Variants in PTPRG observed in about 807,000 individuals in gnomAD.
The protein encoded by PTPRG is receptor-type tyrosine-protein phosphatase gamma.
Under a neutral mutation model 165.3 loss-of-function variants are expected in PTPRG, and 102 were observed. The ratio of observed to expected loss-of-function variants is 0.62; its 90% CI spans 0.53 to 0.73. The LOEUF (loss-of-function observed/expected upper bound fraction) is 0.73. Ranked by LOEUF, PTPRG falls within the 30% of genes least tolerant of loss-of-function variation. The probability of loss-of-function intolerance (pLI) is 0.00; values close to 1 mark genes in which losing one functional copy is unlikely to be tolerated. For synonymous variants in PTPRG, 675 were observed against 669.5 expected (o/e 1.01, Z -0.13); for missense variants, 1,866 against 1,861.4 (o/e 1.00, Z -0.05).
At position 62,080,062 on chromosome 3, in the gene PTPRG, A is replaced by ATT. The variant is rs759641101; in HGVS notation, c.615+1823_615+1824dup. On this transcript the variant is annotated intron_variant, in intron 5 of 29. Transcript: ENST00000474889. The stretch of plus-strand genomic sequence containing the variant: ...AGTTCTGTCTGGACCCCTTCGGTTC[A>ATT]TTTTTTTTTTTTTTTTTTTTGAGAT... Among the ~76,000 whole-genome samples, 36 of 128,828 alleles carry ATT rather than the reference A, an allele frequency of 2.8e-4. No individual in the cohort carries two copies. The South Asian group carries it at 3.0e-3, about 11-fold the overall frequency. 84.5% of individuals were successfully genotyped at this position (128,828 alleles called of 152,430 possible). A position where few individuals can be genotyped will look rare whatever the true frequency, so the allele number is the denominator to read the frequency against.
intron 2 of PTPRG, among the ~76,000 whole-genome samples, chr3:61,819,373 T>C (rs1314652829): frequency 1.3e-5 from 2 of 152,186 alleles, no homozygotes; most frequent in East Asian, 3.9e-4. Flanking sequence ...TGCTAATTGT[T>C]CTTTCTCTTT....
At chr3:62,004,387 A>G (rs368831101) in intron 4 of PTPRG, among the ~76,000 whole-genome samples, 7 of 152,150 alleles carry the variant, frequency 4.6e-5, no homozygotes, top group African/African-American at 1.7e-4. Flanking sequence ...AAAACTCCAC[A>G]CTTATGTTTT....
At chr3:62,085,555 T>A (rs992046917) in intron 5 of PTPRG, among the ~76,000 whole-genome samples, 2 of 152,200 alleles carry the variant, frequency 1.3e-5, no homozygotes, top group Non-Finnish European at 2.9e-5. Context: ...TTGCTAATTT[T>A]CTTTCCCATT....
At chr3:62,013,740 G>C (rs138286586) in intron 4 of PTPRG, among the ~76,000 whole-genome samples, 3 of 150,666 alleles carry the variant, frequency 2.0e-5, no homozygotes, top group Non-Finnish European at 4.4e-5. Flanking sequence ...ATTGGAATCT[G>C]ATTTATTTAT....
chr3:62,169,991 AGAG>A (rs1374569606), intron 8 of PTPRG, among the ~76,000 whole-genome samples: 1 of 152,190 alleles, frequency 6.6e-6, no homozygotes, highest in East Asian at 1.9e-4. Context: ...AGCTAAAAGA[AGAG>A]GAGAGGGAGT....
intron 2 of PTPRG, among the ~76,000 whole-genome samples, chr3:61,968,778 A>G (rs911217486): frequency 2.0e-5 from 3 of 152,144 alleles, no homozygotes; most frequent in Non-Finnish European, 4.4e-5. Context: ...ATATATGAGG[A>G]TGATCTTGAT....
chr3:62,267,852 G>T, intron 19 of PTPRG, 33 bp downstream of exon 19: 1 of 1,602,218 alleles, frequency 6.2e-7, no homozygotes, highest in African/African-American at 1.3e-5. Context: ...TCTTAATAAT[G>T]CACCTTCATT....
intron 2 of PTPRG, among the ~76,000 whole-genome samples, chr3:61,904,577 C>T (rs1219016101): frequency 1.3e-5 from 2 of 152,142 alleles, no homozygotes; most frequent in Non-Finnish European, 2.9e-5. Flanking sequence ...TGTCCAGAGG[C>T]CTCTGGCTCA....
chr3:61,965,423 G>C (rs1489949119), intron 2 of PTPRG, among the ~76,000 whole-genome samples: 2 of 149,500 alleles, frequency 1.3e-5, no homozygotes, highest in Non-Finnish European at 3.0e-5. Context: ...AGGAGGTGGA[G>C]GTTGCAGTGA....
chr3:62,165,359 C>T (rs1381069629), intron 7 of PTPRG, among the ~76,000 whole-genome samples: 2 of 152,174 alleles, frequency 1.3e-5, no homozygotes, highest in African/African-American at 4.8e-5. Flanking sequence ...TTGATGCATT[C>T]AGTTCTGACT....
chr3:61,682,791 T>C (rs1703495621), intron 1 of PTPRG, among the ~76,000 whole-genome samples: 1 of 152,194 alleles, frequency 6.6e-6, no homozygotes, highest in Non-Finnish European at 1.5e-5. Flanking sequence ...ATGTCACAAA[T>C]GGAGGATTAT....
In PTPRG at chr3:61,578,943, G is replaced by T. The variant is rs546455467; in HGVS notation, c.85+16571G>T. Among the ~76,000 whole-genome samples, 131 of 152,292 alleles carry T rather than the reference G, an allele frequency of 8.6e-4. 3 individuals are homozygous for T. In the South Asian group the frequency reaches 0.024, roughly 28 times the overall value. ...GGGTTTCAGTGGTAAGTTCTTTTACGAGGGATAAACAAGGATGTTAAAGTC... is the reference window on the plus strand; with the variant it reads ...GGGTTTCAGTGGTAAGTTCTTTTACTAGGGATAAACAAGGATGTTAAAGTC... On this transcript the variant is annotated intron_variant, in intron 1 of 29. Coordinates refer to ENST00000474889, the MANE Select transcript of PTPRG (RefSeq NM_002841.4).
At chr3:62,083,787 CT>C (rs1397856512) in intron 5 of PTPRG, among the ~76,000 whole-genome samples, 2 of 152,326 alleles carry the variant, frequency 1.3e-5, no homozygotes, top group East Asian at 3.9e-4. Context: ...CCATTAAATG[CT>C]TTCATCTACT....
At chr3:62,027,289 T>C (rs1267035294) in intron 4 of PTPRG, among the ~76,000 whole-genome samples, 2 of 152,146 alleles carry the variant, frequency 1.3e-5, no homozygotes, top group Non-Finnish European at 2.9e-5. Context: ...CAAGAAAGTC[T>C]TTGTCCCACC....
intron 2 of PTPRG, among the ~76,000 whole-genome samples, chr3:61,826,378 C>T (rs34211692): frequency 0.25 from 37,654 of 151,920 alleles, 4,748 homozygotes; most frequent in East Asian, 0.3. Context: ...TAATGACATG[C>T]GGGTTATTGT....
chr3:62,277,467 C>A (rs1702267807), intron 25 of PTPRG, 84 bp from the exon 26 acceptor site: 2 of 1,457,514 alleles, frequency 1.4e-6, no homozygotes, highest in African/African-American at 2.8e-5. Context: ...ACAGTGCTAT[C>A]TTATTTCATG....
intron 5 of PTPRG, among the ~76,000 whole-genome samples, chr3:62,081,516 T>C (rs192221041): frequency 1.4e-3 from 219 of 152,168 alleles, no homozygotes; most frequent in African/African-American, 5.0e-3. Context: ...GCTAATTTTC[T>C]TATTTTTTTG....
At chr3:61,988,606 T>TAC (rs1191317601) in intron 2 of PTPRG, among the ~76,000 whole-genome samples, 1 of 152,218 alleles carries the variant, frequency 6.6e-6, no homozygotes, top group African/African-American at 2.4e-5. Context: ...TGAATGTATA[T>TAC]ACACACATTA....
intron 8 of PTPRG, among the ~76,000 whole-genome samples, chr3:62,186,659 TG>T (rs1466850409): frequency 6.7e-6 from 1 of 148,970 alleles, no homozygotes; most frequent in Non-Finnish European, 1.5e-5. Context: ...CTTCACTTCT[TG>T]GGTTAAAGTG....
Sources: allele counts gnomAD v4.1 joint callset (sites outside exome capture counted in the v4.1 genomes callset), GRCh38; gene constraint gnomAD v4.1.1; transcripts MANE v1.5; gene names NCBI Gene and HGNC (gene_info 2026-07-23, HGNC 2026-07-21).